Variants in CPQ observed in about 807,000 individuals in gnomAD.
The protein encoded by CPQ is Ser-Met dipeptidase.
CPQ carries 37 observed loss-of-function variants against 45.7 expected under a neutral mutation model. The ratio of observed to expected loss-of-function variants is 0.81; its 90% confidence interval spans 0.62 to 1.07. The LOEUF is 1.07. CPQ is among the 50% of genes least tolerant of loss of function. CPQ has a pLI of 0.00. For missense variants in CPQ, 537 were observed against 572.9 expected (o/e 0.94, Z 0.64); for synonymous variants, 186 against 205.8 (o/e 0.90, Z 0.82).
At chr8:96,964,897 C>T (rs1189220977) in intron 4 of CPQ, among the ~76,000 whole-genome samples, 1 of 151,680 alleles carries the variant, frequency 6.6e-6, no homozygotes, top group Non-Finnish European at 1.5e-5. Flanking sequence ...TTTTTCAAAC[C>T]AATATTCTAT....
chr8:96,973,728 A>T (rs1295683596), intron 5 of CPQ, among the ~76,000 whole-genome samples: 1 of 152,184 alleles, frequency 6.6e-6, no homozygotes, highest in Non-Finnish European at 1.5e-5. Flanking sequence ...AGCCTCCTTA[A>T]ACAAAACAAT....
At chr8:96,830,687 G>A (rs377409727) in intron 2 of CPQ, among the ~76,000 whole-genome samples, 2 of 151,936 alleles carry the variant, frequency 1.3e-5, no homozygotes, top group African/African-American at 4.8e-5. Flanking sequence ...TCCTGTCCTA[G>A]GATGAAACAC....
chr8:97,138,257 G>A (rs1161342760), intron 7 of CPQ, among the ~76,000 whole-genome samples: 5 of 152,114 alleles, frequency 3.3e-5, no homozygotes, highest in Admixed American at 6.5e-5. Context: ...AAACTGGAAC[G>A]CTCACATGTT....
At position 96,679,538 on chromosome 8, in the gene CPQ, A is replaced by T. The variant is rs1809122808; in HGVS notation, c.-35+34136A>T. On this transcript the variant is annotated intron_variant, in intron 1 of 7. Transcript: ENST00000220763. ...ATGAGTTTAGTAGAATTCAGCAGTA[A>T]AGCCATCTGCTCCTGGTCTTTTCTT... Among the ~76,000 whole-genome samples, 8 of 152,132 alleles carry T rather than the reference A, an allele frequency of 5.3e-5. No homozygotes were observed. The South Asian group carries it at 1.7e-3, about 32-fold the overall frequency.
chr8:96,997,485 A>C (rs574178085), intron 5 of CPQ, among the ~76,000 whole-genome samples: 15 of 152,102 alleles, frequency 9.9e-5, no homozygotes, highest in African/African-American at 3.6e-4. Flanking sequence ...ATGTGTTTTC[A>C]TAAATGTATT....
At chr8:96,681,036 AG>A (rs1161404838) in intron 1 of CPQ, among the ~76,000 whole-genome samples, 2 of 152,320 alleles carry the variant, frequency 1.3e-5, no homozygotes, top group Admixed American at 1.3e-4. Flanking sequence ...GTGCTGTTAA[AG>A]GCATTCAGTT....
chr8:97,124,646 T>C (rs1811815177), intron 7 of CPQ, among the ~76,000 whole-genome samples: 1 of 152,154 alleles, frequency 6.6e-6, no homozygotes, highest in African/African-American at 2.4e-5. Flanking sequence ...TCCCAAATAC[T>C]TGGAAATTAA....
At chr8:96,916,764 T>C (rs1165804411) in intron 4 of CPQ, among the ~76,000 whole-genome samples, 1 of 152,136 alleles carries the variant, frequency 6.6e-6, no homozygotes, top group East Asian at 1.9e-4. Context: ...TTTGGTGTGA[T>C]AGTTTCTTAG....
At position 97,077,127 on chromosome 8, in the gene CPQ, A is replaced by G. The variant is rs550382041; in HGVS notation, c.1255+10917A>G. Among the ~76,000 whole-genome samples the G allele has an allele frequency of 7.5e-4, 114 of 152,330 alleles. No homozygotes were observed. The South Asian group carries it at 0.023, about 31-fold the overall frequency. ...TTTCTGAAATGGCAACCACGGTGGC[A>G]CACCTCAATCTGTGGTACATATCAA... On this transcript the variant is annotated intron_variant, in intron 7 of 7. Coordinates refer to ENST00000220763, the MANE Select transcript of CPQ (RefSeq NM_016134.4).
chr8:97,031,433 G>A (rs754766777), intron 6 of CPQ, among the ~76,000 whole-genome samples: 35 of 152,094 alleles, frequency 2.3e-4, no homozygotes, highest in Admixed American at 1.7e-3. Context: ...TGATCTGCCC[G>A]CCTCGGCCTC....
intron 4 of CPQ, among the ~76,000 whole-genome samples, chr8:96,894,779 A>G (rs1322558201): frequency 2.6e-5 from 4 of 152,190 alleles, no homozygotes; most frequent in African/African-American, 7.2e-5. Context: ...TTCTTACTTC[A>G]CTAGAACTGT....
intron 7 of CPQ, among the ~76,000 whole-genome samples, chr8:97,140,271 A>G (rs1812136861): frequency 6.6e-6 from 1 of 152,044 alleles, no homozygotes; most frequent in Non-Finnish European, 1.5e-5. Context: ...TTGTTATCAT[A>G]AAGAAAACAT....
intron 6 of CPQ, among the ~76,000 whole-genome samples, chr8:97,046,912 A>T (rs913483524): frequency 6.6e-6 from 1 of 152,254 alleles, no homozygotes; most frequent in Non-Finnish European, 1.5e-5. Context: ...CAGACAGAAA[A>T]GTGCTTTGTG....
chr8:96,761,492 T>C (rs1355278130), intron 1 of CPQ: 1 of 152,198 alleles, frequency 6.6e-6, no homozygotes, highest in Non-Finnish European at 1.5e-5. Context: ...CTCCACGTAA[T>C]GTGAGTAGGC....
intron 6 of CPQ, among the ~76,000 whole-genome samples, chr8:97,049,297 T>C (rs1810315633): frequency 6.6e-6 from 1 of 152,146 alleles, no homozygotes; most frequent in Non-Finnish European, 1.5e-5. Context: ...ACCATTAATA[T>C]AGGACAGTGA....
At chr8:97,133,808 G>A (rs993053128) in intron 7 of CPQ, among the ~76,000 whole-genome samples, 3 of 152,204 alleles carry the variant, frequency 2.0e-5, no homozygotes, top group Non-Finnish European at 4.4e-5. Flanking sequence ...TAAGCAGTGA[G>A]TCAAAATAAG....
chr8:96,846,849 C>T (rs1032527835), intron 3 of CPQ, among the ~76,000 whole-genome samples: 1 of 152,132 alleles, frequency 6.6e-6, no homozygotes, highest in Admixed American at 6.5e-5. Flanking sequence ...CAAGGACATA[C>T]ATTACATTTA....
intron 4 of CPQ, among the ~76,000 whole-genome samples, chr8:96,931,219 G>A (rs1812970689): frequency 6.6e-6 from 1 of 152,202 alleles, no homozygotes; most frequent in Non-Finnish European, 1.5e-5. Context: ...AGCCATGCTA[G>A]CTTCAAACAT....
chr8:97,066,916 CTTTTTTTTTTTTTTT>C (rs752150876), intron 7 of CPQ, among the ~76,000 whole-genome samples: 24 of 60,398 alleles, frequency 4.0e-4, no homozygotes, highest in African/African-American at 1.4e-3. Flanking sequence ...CTGGAACAGT[CTTTTTTTTTTTTTTT>C]TTTTTTTTTT....
Sources: allele counts gnomAD v4.1 joint callset (sites outside exome capture counted in the v4.1 genomes callset), GRCh38; gene constraint gnomAD v4.1.1; transcripts MANE v1.5; gene names NCBI Gene and HGNC (gene_info 2026-07-23, HGNC 2026-07-21).